MLLT3: variants seen among roughly 807,000 people sequenced by gnomAD.
The protein encoded by MLLT3 is MLLT3 super elongation complex subunit.
A neutral mutation model predicts 53.2 loss-of-function variants in MLLT3; 4 were observed. The ratio of observed to expected loss-of-function variants is 0.08; its 90% CI spans 0.04 to 0.17. MLLT3 has a LOEUF of 0.17. Among genes scored for constraint, MLLT3 ranks in the 10% least tolerant of loss-of-function variants. The probability of loss-of-function intolerance (pLI) is 1.00; values close to 1 mark genes in which losing one functional copy is unlikely to be tolerated. For missense variants in MLLT3, 569 were observed against 684.0 expected, an observed-to-expected ratio of 0.83 and a Z score of 1.87; for synonymous variants, 283 against 230.6, an observed-to-expected ratio of 1.23 and a Z score of -2.06.
At chr9:20,406,422 TTAGAG>T (rs1290921654) in intron 5 of MLLT3, among the ~76,000 whole-genome samples, 18 of 152,220 alleles carry the variant, frequency 1.2e-4, no homozygotes, top group African/African-American at 4.3e-4. Flanking sequence ...CTGAACATTA[TTAGAG>T]TAATGAAAGA....
At chr9:20,508,165 G>A (rs1205912450) in intron 2 of MLLT3, among the ~76,000 whole-genome samples, 1 of 152,100 alleles carries the variant, frequency 6.6e-6, no homozygotes, top group Non-Finnish European at 1.5e-5. Context: ...CCATCATAAT[G>A]TTCTTATTTA....
At chr9:20,573,136 T>C (rs201754015) in intron 2 of MLLT3, among the ~76,000 whole-genome samples, 1 of 144,066 alleles carries the variant, frequency 6.9e-6, no homozygotes, top group Non-Finnish European at 1.5e-5. Context: ...TTTTTTTTTT[T>C]CGCTGTTGTG....
At chr9:20,540,092 A>C (rs1818589082) in intron 2 of MLLT3, among the ~76,000 whole-genome samples, 1 of 152,222 alleles carries the variant, frequency 6.6e-6, no homozygotes, top group Non-Finnish European at 1.5e-5. Context: ...TTCGTGTCTC[A>C]CATCTAGGGC....
At chr9:20,395,731 G>A (rs1453524606) in intron 5 of MLLT3, among the ~76,000 whole-genome samples, 1 of 152,234 alleles carries the variant, frequency 6.6e-6, no homozygotes, top group Non-Finnish European at 1.5e-5. Context: ...TTGACTTAGT[G>A]ACATGGTTCA....
At position 20,562,602 on chromosome 9, in the gene MLLT3, GA is replaced by G. The variant is rs576833954; in HGVS notation, c.193+58051del. Among the ~76,000 whole-genome samples the G allele has an allele frequency of 2.4e-3, 368 of 152,090 alleles. 1 individual carries two copies. The highest frequency in any genetic ancestry group is 8.4e-3 in the African/African-American group (347 of 41,510). ...TGCAAATGCAAAAAAAGAGTGACAA[GA>G]AAAAAAGGAGTAAATATGTTTAATG... On this transcript the variant is annotated intron_variant, in intron 2 of 10. Coordinates refer to ENST00000380338, the MANE Select transcript of MLLT3 (RefSeq NM_004529.4).
At chr9:20,580,923 C>T (rs933386034) in intron 2 of MLLT3, among the ~76,000 whole-genome samples, 1 of 152,204 alleles carries the variant, frequency 6.6e-6, no homozygotes, top group African/African-American at 2.4e-5. Flanking sequence ...CCTCTGTCAA[C>T]ATATTTTGTT....
chr9:20,426,983 A>T (rs141151764), intron 4 of MLLT3, among the ~76,000 whole-genome samples: 1 of 152,118 alleles, frequency 6.6e-6, no homozygotes, highest in Non-Finnish European at 1.5e-5. Context: ...TCAGAGTCTC[A>T]ACAGAAACCA....
intron 2 of MLLT3, among the ~76,000 whole-genome samples, chr9:20,615,950 C>T (rs2131214059): frequency 6.7e-6 from 1 of 149,772 alleles, no homozygotes; most frequent in African/African-American, 2.4e-5. Flanking sequence ...GTTCATTTTT[C>T]ATTAAAATGT....
At chr9:20,520,166 T>C (rs1031468176) in intron 2 of MLLT3, among the ~76,000 whole-genome samples, 1 of 151,688 alleles carries the variant, frequency 6.6e-6, no homozygotes, top group Admixed American at 6.6e-5. Flanking sequence ...CATGGACACA[T>C]AGAGGGGAAC....
intron 2 of MLLT3, among the ~76,000 whole-genome samples, chr9:20,604,762 A>C (rs1288187467): frequency 6.6e-6 from 1 of 152,128 alleles, no homozygotes; most frequent in African/African-American, 2.4e-5. Flanking sequence ...GTCTTTAGTA[A>C]CCAGATCGTT....
intron 6 of MLLT3, among the ~76,000 whole-genome samples, chr9:20,364,127 T>A (rs1477220270): frequency 6.6e-6 from 1 of 152,230 alleles, no homozygotes; most frequent in Admixed American, 6.5e-5. Context: ...TGGTGTAATA[T>A]CCTACCTCTG....
rs772467292 is a variant in MLLT3, at chr9:20,363,606, CTGAGTAA to C, written c.1202-8_1202-2del. 1.2e-6 allele frequency: 2 copies of C among 1,613,136 alleles called. No homozygotes were observed. The highest frequency in any genetic ancestry group is 2.2e-5 in the South Asian group (2 of 91,014). ...TCTTTCATTATAGACCTCAAAGGAC[CTGAGTAA>C]TGACAATGAACCACAGGCAATCAAA... On this transcript the variant is annotated splice_acceptor_variant and splice_polypyrimidine_tract_variant and intron_variant, in intron 6 of 10. Transcript: ENST00000380338. LOFTEE classifies it high-confidence loss of function.
At chr9:20,371,239 C>G (rs916911498) in intron 5 of MLLT3, among the ~76,000 whole-genome samples, 1 of 152,202 alleles carries the variant, frequency 6.6e-6, no homozygotes, top group African/African-American at 2.4e-5. Context: ...GCAGCAAGAG[C>G]TGATACAGAA....
intron 2 of MLLT3, among the ~76,000 whole-genome samples, chr9:20,570,052 C>G (rs567649441): frequency 3.2e-4 from 48 of 152,316 alleles, no homozygotes; most frequent in African/African-American, 1.1e-3. Flanking sequence ...GGGGATTTAG[C>G]TCAGTAACGC....
chr9:20,495,287 T>G (rs1424593981), intron 2 of MLLT3, among the ~76,000 whole-genome samples: 1 of 152,162 alleles, frequency 6.6e-6, no homozygotes, highest in Non-Finnish European at 1.5e-5. Flanking sequence ...CCTGGGAGCT[T>G]GTTGGAACTA....
At chr9:20,499,717 G>C (rs1334179095) in intron 2 of MLLT3, among the ~76,000 whole-genome samples, 1 of 152,126 alleles carries the variant, frequency 6.6e-6, no homozygotes, top group Admixed American at 6.5e-5. Flanking sequence ...TTAGGTAAAG[G>C]TACATGAAGA....
chr9:20,375,716 C>G (rs1216025269), intron 5 of MLLT3, among the ~76,000 whole-genome samples: 1 of 150,892 alleles, frequency 6.6e-6, no homozygotes, highest in Non-Finnish European at 1.5e-5. Flanking sequence ...TCACGCCATT[C>G]TCCCGCCTCA....
At position 20,417,892 on chromosome 9, in the gene MLLT3, G is replaced by C. The variant is rs77529129; in HGVS notation, c.421-3467C>G. 3.5e-3 allele frequency among the ~76,000 whole-genome samples: 526 copies of C among 152,278 alleles called. 2 individuals carry two copies. The highest frequency in any genetic ancestry group is 0.012 in the African/African-American group (512 of 41,560). On this transcript the variant is annotated intron_variant, in intron 4 of 10. Coordinates refer to ENST00000380338, the MANE Select transcript of MLLT3 (RefSeq NM_004529.4). Reference sequence around the variant, plus strand: ...ATTATATGTGGCTTTCAGTTTCCATGTTATCTCCAAGTCTACTTTTAAGAA... The same window carrying C: ...ATTATATGTGGCTTTCAGTTTCCATCTTATCTCCAAGTCTACTTTTAAGAA...
chr9:20,407,460 C>T (rs577152490), intron 5 of MLLT3, among the ~76,000 whole-genome samples: 4 of 152,326 alleles, frequency 2.6e-5, no homozygotes, highest in African/African-American at 9.6e-5. Context: ...TGAGGACAAC[C>T]TGTCACCTCC....
Sources: gnomAD v4.1 joint callset for allele counts (sites outside exome capture counted in the v4.1 genomes callset) on GRCh38, gnomAD v4.1.1 for gene constraint, MANE v1.5 for transcripts, NCBI Gene and HGNC (gene_info 2026-07-23, HGNC 2026-07-21) for gene names.